Variants in SYNJ2 observed in about 807,000 individuals in gnomAD.
The protein encoded by SYNJ2 is polyphosphatidylinositol phosphatase SYNJ2.
Under a neutral mutation model 141.3 loss-of-function variants are expected in SYNJ2, and 116 were observed. The ratio of observed to expected loss-of-function variants is 0.82; its 90% CI spans 0.71 to 0.96. The LOEUF is 0.96. SYNJ2 is among the 40% of genes least tolerant of loss of function. SYNJ2 has a pLI of 0.00. For synonymous variants in SYNJ2, 745 were observed against 777.7 expected (o/e 0.96, Z 0.70); for missense variants, 1,873 against 1,934.8 (o/e 0.97, Z 0.60).
In SYNJ2 at chr6:158,033,642, G is replaced by A. The variant is rs143803774; in HGVS notation, c.673G>A (p.Asp225Asn). 55 of 1,612,048 alleles carry A rather than the reference G, an allele frequency of 3.4e-5. No individual in the cohort carries two copies. The highest frequency in any genetic ancestry group is 1.6e-4 in the Middle Eastern group (1 of 6,082). ...GTRFHTRGVN[D>N]DGHVSNFVET... ...TCGCTTCCACACCCGTGGCGTGAAC[G>A]ACGACGGCCATGTGTCCAACTTCGT... The change falls in exon 4 of 27, where the codon GAC becomes AAC. Residue 225 changes from aspartate (D) to asparagine (N), a missense_variant. Asp to Asn is a conservative substitution (Grantham distance 23). Coordinates refer to ENST00000355585, the MANE Select transcript of SYNJ2 (RefSeq NM_003898.4).
intron 26 of SYNJ2, among the ~76,000 whole-genome samples, chr6:158,093,720 CCCA>C (rs1213663775): frequency 6.6e-6 from 1 of 152,166 alleles, no homozygotes; most frequent in Non-Finnish European, 1.5e-5. Context: ...GATGCTTTTC[CCCA>C]CATGTTCTGG....
chr6:158,025,662 A>C (rs1049264897), intron 2 of SYNJ2, among the ~76,000 whole-genome samples: 1 of 149,686 alleles, frequency 6.7e-6, no homozygotes. Flanking sequence ...CTCCATCTCA[A>C]AAAAAAATAG....
chr6:158,085,024 CT>C (rs751916726), intron 22 of SYNJ2, among the ~76,000 whole-genome samples: 454 of 141,702 alleles, frequency 3.2e-3, no homozygotes, highest in Middle Eastern at 7.2e-3. Context: ...AATAATACAA[CT>C]TTTTTTTTTT....
intron 4 of SYNJ2, among the ~76,000 whole-genome samples, chr6:158,035,978 A>C (rs966468099): frequency 6.6e-6 from 1 of 152,162 alleles, no homozygotes; most frequent in Non-Finnish European, 1.5e-5. Context: ...AAAAAAAAAA[A>C]AAACATTAAA....
chr6:158,006,954 A>T (rs960005166), intron 1 of SYNJ2, among the ~76,000 whole-genome samples: 1 of 151,924 alleles, frequency 6.6e-6, no homozygotes, highest in Non-Finnish European at 1.5e-5. Flanking sequence ...GATTACAGGC[A>T]TGAGCCATGG....
At chr6:158,012,935 C>T (rs1027324577) in intron 1 of SYNJ2, among the ~76,000 whole-genome samples, 1 of 152,192 alleles carries the variant, frequency 6.6e-6, no homozygotes, top group Non-Finnish European at 1.5e-5. Context: ...TCTGCACTCT[C>T]CCTTCCCCAG....
rs749806733 is a variant in SYNJ2 at position 157,982,724 on chromosome 6, G to A, written c.127+636G>A. ...AACTGGCATTGTGCTATGGGCTTTAGTACGTGATCTCACTTAATTCTCACA... is the reference window on the plus strand; with the variant it reads ...AACTGGCATTGTGCTATGGGCTTTAATACGTGATCTCACTTAATTCTCACA... On this transcript the variant is annotated intron_variant, in intron 1 of 26. Coordinates refer to ENST00000355585, the MANE Select transcript of SYNJ2 (RefSeq NM_003898.4). This position sits in a 1 kb window ranked among gnomAD's most constrained non-coding sequence, Gnocchi z 4.0. Among the ~76,000 whole-genome samples, 1 of 152,224 alleles carries A rather than the reference G, an allele frequency of 6.6e-6. No homozygotes were observed. The highest frequency in any genetic ancestry group is 1.5e-5 in the Non-Finnish European group (1 of 68,046).
chr6:158,023,074 A>G (rs1192742902), intron 2 of SYNJ2, among the ~76,000 whole-genome samples: 2 of 152,172 alleles, frequency 1.3e-5, no homozygotes, highest in East Asian at 3.9e-4. Flanking sequence ...ATGTAGCAAG[A>G]CTATGTCTCT....
rs1294299205 is a variant in SYNJ2, at chr6:158,040,796, C to T, written c.712-2520C>T. ...TTCCCACTGCTCTGGAAGCGTCACT[C>T]AGGGTCACCCTCTGGCTGCTCAGTC... On this transcript the variant is annotated intron_variant, in intron 4 of 26. Transcript: ENST00000355585. The surrounding 1 kb of genome is among the most constrained non-coding windows in gnomAD (Gnocchi z 4.2). 1.3e-5 allele frequency among the ~76,000 whole-genome samples: 2 copies of T among 152,220 alleles called. No individual in the cohort carries two copies. The highest frequency in any genetic ancestry group is 2.9e-5 in the Non-Finnish European group (2 of 68,042).
At position 157,981,922 on chromosome 6, in the gene SYNJ2, G is replaced by T; in HGVS notation, c.-40G>T. On this transcript the variant is annotated 5_prime_UTR_variant, in exon 1 of 27. Transcript: ENST00000355585. This position sits in a 1 kb window ranked among gnomAD's most constrained non-coding sequence, Gnocchi z 6.4. ...GTCGCGGGCAGCGCGCCCTCGGGAG[G>T]ACGTGGCCCCGGCCCCCGCCCGCAG... 2.5e-6 allele frequency: 3 copies of T among 1,223,072 alleles called. No homozygotes were observed. The highest frequency in any genetic ancestry group is 4.1e-5 in the South Asian group (1 of 24,340). 75.8% of individuals were successfully genotyped at this position (1,223,072 alleles called of 1,614,324 possible). A position where few individuals can be genotyped will look rare whatever the true frequency, so the allele number is the denominator to read the frequency against.
rs760958702 is a variant in SYNJ2 at position 158,084,049 on chromosome 6, A to AGCCT, written c.3085_3088dup (p.Gly1030AlafsTer7). Reference sequence around the variant, plus strand: ...GACTACTTGGTGGATGAATTCAATCAGCCTGGAGTCTCGGACAGTGAACTC... The same window carrying AGCCT: ...GACTACTTGGTGGATGAATTCAATCAGCCTGCCTGGAGTCTCGGACAGTGAACTC... On this transcript the variant is annotated frameshift_variant, in exon 22 of 27. Coordinates refer to ENST00000355585, the MANE Select transcript of SYNJ2 (RefSeq NM_003898.4). LOFTEE classifies it high-confidence loss of function. The surrounding 1 kb of genome is among the most constrained non-coding windows in gnomAD (Gnocchi z 5.0). 6.2e-7 allele frequency: 1 copy of AGCCT among 1,614,142 alleles called. No individual in the cohort carries two copies. The highest frequency in any genetic ancestry group is 1.7e-5 in the Admixed American group (1 of 60,020).
rs755351 is a variant in SYNJ2, at chr6:158,070,443, G to T, written c.1940+770G>T. On this transcript the variant is annotated intron_variant, in intron 14 of 26. Coordinates refer to ENST00000355585, the MANE Select transcript of SYNJ2 (RefSeq NM_003898.4). The surrounding 1 kb of genome is among the most constrained non-coding windows in gnomAD (Gnocchi z 4.0). ...TTCTCTGACTTTCAGAAGATGTTTA[G>T]GTCCCTGTCCCTCTGCTTGTGTTAT... The T allele has an allele frequency of 0.15, 150,677 of 985,206 alleles. 11,936 individuals carry two copies. Among genetic ancestry groups the T allele is most frequent in the East Asian group, 0.25 (2,221 of 8,794 alleles). The allele number at this position is 985,206 out of a possible 1,614,324, so 61.0% of individuals were successfully genotyped here.
intron 1 of SYNJ2, among the ~76,000 whole-genome samples, chr6:158,008,695 G>GTGTCTGTC (rs1024562995): frequency 1.3e-5 from 2 of 152,216 alleles, no homozygotes; most frequent in Non-Finnish European, 2.9e-5. Context: ...GTGTGTATGT[G>GTGTCTGTC]TGTCTGTCTG....
At chr6:158,041,338 C>A (rs1286697094) in intron 4 of SYNJ2, among the ~76,000 whole-genome samples, 14 of 152,348 alleles carry the variant, frequency 9.2e-5, no homozygotes, top group Admixed American at 2.0e-4. Flanking sequence ...GGTGAGACAT[C>A]ACTTCTTCCA....
intron 2 of SYNJ2, chr6:158,017,624 C>G (rs899389402): frequency 1.4e-5 from 6 of 415,406 alleles, no homozygotes; most frequent in Non-Finnish European, 2.4e-5. Context: ...CCATGTTGGT[C>G]AGGCTGGTCT....
chr6:158,029,337 TA>T, intron 3 of SYNJ2: 3 of 201,178 alleles, frequency 1.5e-5, no homozygotes, highest in Non-Finnish European at 2.9e-5. Flanking sequence ...TCACTTGAGT[TA>T]AGGAGTTTGA....
rs565199996 is a variant in SYNJ2, at chr6:158,043,248, G to C, written c.712-68G>C. On this transcript the variant is annotated intron_variant, in intron 4 of 26. Transcript: ENST00000355585. The surrounding 1 kb of genome is among the most constrained non-coding windows in gnomAD (Gnocchi z 4.0). ...GTCGGGTCACAGGTGGCCGGATCCC[G>C]TTACCCAGCCCAGGACGTTCGGTTT... The C allele has an allele frequency of 6.9e-7, 1 of 1,454,248 alleles. No homozygotes were observed. The highest frequency in any genetic ancestry group is 1.4e-5 in the African/African-American group (1 of 71,776). 90.1% of individuals were successfully genotyped at this position (1,454,248 alleles called of 1,614,324 possible). A position where few individuals can be genotyped will look rare whatever the true frequency, so the allele number is the denominator to read the frequency against.
intron 2 of SYNJ2, among the ~76,000 whole-genome samples, chr6:158,024,274 A>C (rs930496527): frequency 3.9e-5 from 6 of 151,978 alleles, no homozygotes; most frequent in African/African-American, 1.2e-4. Context: ...AAAATACAAA[A>C]ATTAGCTGGG....
At chr6:158,094,071 G>A (rs1783645882) in intron 26 of SYNJ2, 5 of 747,794 alleles carry the variant, frequency 6.7e-6, no homozygotes, top group Non-Finnish European at 1.2e-5. Context: ...GCACGATGCT[G>A]CTTCCCCCCT....
Sources: gnomAD v4.1 joint callset for allele counts (sites outside exome capture counted in the v4.1 genomes callset) on GRCh38, gnomAD v4.1.1 for gene constraint, Gnocchi (gnomAD v3.1) non-coding constraint, MANE v1.5 for transcripts, NCBI Gene and HGNC (gene_info 2026-07-23, HGNC 2026-07-21) for gene names.